Variants in MINDY4 observed in about 807,000 individuals in gnomAD.
MINDY4 encodes MINDY lysine 48 deubiquitinase 4, also known as probable ubiquitin carboxyl-terminal hydrolase MINDY-4.
Under a neutral mutation model 87.0 loss-of-function variants are expected in MINDY4, and 68 were observed. The observed-to-expected ratio is 0.78, with a 90% CI of 0.64 to 0.96. The LOEUF (loss-of-function observed/expected upper bound fraction) is 0.96, where lower values mean the gene tolerates loss of function less well. Ranked by LOEUF, MINDY4 falls within the 40% of genes least tolerant of loss-of-function variation. The pLI is 0.00. For synonymous variants in MINDY4, 379 were observed against 363.2 expected (o/e 1.04, Z -0.50); for missense variants, 919 against 928.2 (o/e 0.99, Z 0.13).
intron 4 of MINDY4, among the ~76,000 whole-genome samples, chr7:30,790,961 G>A (rs1584241891): frequency 6.6e-6 from 1 of 152,146 alleles, no homozygotes; most frequent in Non-Finnish European, 1.5e-5. Flanking sequence ...TCCAGCAGGC[G>A]GGGTGTGCAT....
chr7:30,788,543 T>A (rs1787224893), intron 4 of MINDY4, among the ~76,000 whole-genome samples: 1 of 152,170 alleles, frequency 6.6e-6, no homozygotes, highest in South Asian at 2.1e-4. Flanking sequence ...ATTGCAAAGC[T>A]CTCAAGCTCA....
intron 14 of MINDY4, among the ~76,000 whole-genome samples, chr7:30,874,059 A>T (rs1374432057): frequency 6.6e-6 from 1 of 152,144 alleles, no homozygotes; most frequent in Non-Finnish European, 1.5e-5. Flanking sequence ...TCAGGCGAAA[A>T]CACCTCTATA....
chr7:30,805,672 T>C (rs1321547889), intron 5 of MINDY4, among the ~76,000 whole-genome samples: 1 of 152,044 alleles, frequency 6.6e-6, no homozygotes, highest in Non-Finnish European at 1.5e-5. Context: ...CAGGTGGCTT[T>C]GGAGAGAGCA....
chr7:30,876,241 C>T (rs575132561), intron 15 of MINDY4, among the ~76,000 whole-genome samples: 1 of 152,324 alleles, frequency 6.6e-6, no homozygotes, highest in South Asian at 2.1e-4. Flanking sequence ...ACTCCAGTCT[C>T]TGCCTCCATC....
chr7:30,852,161 G>C, intron 10 of MINDY4, 55 bp from the exon 11 acceptor site: 1 of 1,608,522 alleles, frequency 6.2e-7, no homozygotes, highest in Non-Finnish European at 8.5e-7. Flanking sequence ...GCCCCGGCTG[G>C]AGGGCACGCC....
chr7:30,818,707 G>A (rs535825926), intron 5 of MINDY4, among the ~76,000 whole-genome samples: 259 of 152,258 alleles, frequency 1.7e-3, no homozygotes, highest in Non-Finnish European at 2.7e-3. Context: ...AAAACTCTTC[G>A]TGTATATGTT....
At chr7:30,788,913 G>C (rs545834113) in intron 4 of MINDY4, among the ~76,000 whole-genome samples, 31 of 152,296 alleles carry the variant, frequency 2.0e-4, no homozygotes, top group Non-Finnish European at 3.2e-4. Flanking sequence ...ACATTCCTCG[G>C]TGAAGTCAGC....
At chr7:30,784,720 G>A (rs1787104107) in intron 3 of MINDY4, among the ~76,000 whole-genome samples, 1 of 152,104 alleles carries the variant, frequency 6.6e-6, no homozygotes, top group African/African-American at 2.4e-5. Flanking sequence ...GCCTTCTCTG[G>A]GAGCCCTTCA....
intron 17 of MINDY4, among the ~76,000 whole-genome samples, chr7:30,891,580 AG>A (rs1327219592): frequency 1.3e-5 from 2 of 152,110 alleles, no homozygotes; most frequent in Non-Finnish European, 2.9e-5. Context: ...AGGACTGCAC[AG>A]GTGCCTCTAA....
chr7:30,781,952 A>ATTTT, intron 2 of MINDY4, 25 bp from the exon 3 acceptor site: 1 of 1,508,336 alleles, frequency 6.6e-7, no homozygotes, highest in Non-Finnish European at 9.2e-7. Context: ...TAAATTAATG[A>ATTTT]TTTTTTTTTC....
At chr7:30,883,979 G>A (rs1410367400) in intron 17 of MINDY4, among the ~76,000 whole-genome samples, 3 of 152,090 alleles carry the variant, frequency 2.0e-5, no homozygotes, top group Non-Finnish European at 4.4e-5. Flanking sequence ...TGTCTGGGAC[G>A]TTACTAAGTG....
intron 5 of MINDY4, among the ~76,000 whole-genome samples, chr7:30,820,493 T>A (rs1052406293): frequency 1.3e-5 from 2 of 152,188 alleles, no homozygotes; most frequent in African/African-American, 4.8e-5. Flanking sequence ...CAAAGGAAAA[T>A]CCTTTATGCA....
At chr7:30,886,391 C>A (rs1351720651) in intron 17 of MINDY4, among the ~76,000 whole-genome samples, 1 of 152,222 alleles carries the variant, frequency 6.6e-6, no homozygotes, top group Non-Finnish European at 1.5e-5. Context: ...AGATGCACCA[C>A]CCACCCTTAA....
chr7:30,838,330 G>A (rs1425990249), intron 7 of MINDY4, among the ~76,000 whole-genome samples: 1 of 152,178 alleles, frequency 6.6e-6, no homozygotes, highest in Non-Finnish European at 1.5e-5. Context: ...GCCTTGAGAG[G>A]TGGTGGGAAC....
intron 17 of MINDY4, among the ~76,000 whole-genome samples, chr7:30,888,252 G>A (rs1465707185): frequency 1.3e-5 from 2 of 152,186 alleles, no homozygotes; most frequent in Non-Finnish European, 2.9e-5. Context: ...GGACCATGGT[G>A]TTTTTACGGA....
At chr7:30,879,794 C>A (rs1041207981) in intron 15 of MINDY4, among the ~76,000 whole-genome samples, 2 of 152,230 alleles carry the variant, frequency 1.3e-5, no homozygotes, top group Non-Finnish European at 1.5e-5. Flanking sequence ...CTTCATAGGG[C>A]CTCCTCTGGA....
intron 5 of MINDY4, among the ~76,000 whole-genome samples, chr7:30,792,919 CCTT>C (rs1406626343): frequency 6.6e-6 from 1 of 151,756 alleles, no homozygotes; most frequent in Non-Finnish European, 1.5e-5. Flanking sequence ...TGATTCTCAG[CCTT>C]CTTCTTTTGT....
intron 6 of MINDY4, among the ~76,000 whole-genome samples, chr7:30,832,483 C>T (rs1788734808): frequency 6.6e-6 from 1 of 152,174 alleles, no homozygotes; most frequent in Non-Finnish European, 1.5e-5. Context: ...GCCTGCCTAT[C>T]AGTATTCTTC....
chr7:30,858,004 T>C (rs1436398394), intron 12 of MINDY4: 1 of 152,360 alleles, frequency 6.6e-6, no homozygotes, highest in Admixed American at 6.5e-5. Context: ...AGTTTTATAA[T>C]TTTCATTGTC....
Sources: allele counts gnomAD v4.1 joint callset (sites outside exome capture counted in the v4.1 genomes callset), GRCh38; gene constraint gnomAD v4.1.1; transcripts MANE v1.5; gene names NCBI Gene and HGNC (gene_info 2026-07-23, HGNC 2026-07-21).